NOTCH4: variants seen among roughly 807,000 people sequenced by gnomAD.
NOTCH4 encodes the protein notch receptor 4.
A neutral mutation model predicts 189.0 loss-of-function variants in NOTCH4; 138 were observed. The ratio of observed to expected loss-of-function variants is 0.73; its 90% confidence interval spans 0.64 to 0.84. NOTCH4 has a LOEUF of 0.84. Ranked by LOEUF, NOTCH4 falls within the 40% of genes least tolerant of loss-of-function variation. NOTCH4 has a pLI of 0.00. For synonymous variants in NOTCH4, 942 were observed against 1,032.8 expected, an observed-to-expected ratio of 0.91 and a Z score of 1.69; for missense variants, 2,286 against 2,605.4, an observed-to-expected ratio of 0.88 and a Z score of 2.67.
In NOTCH4 at chr6:32,217,432, C is replaced by T. The variant is rs1789485908; in HGVS notation, c.1625-166G>A. On this transcript the variant is annotated intron_variant, in intron 9 of 29. Transcript: ENST00000375023. This position sits in a 1 kb window ranked among gnomAD's most constrained non-coding sequence, Gnocchi z 4.2. ...GAGATGATGCAGAAAAGGTGAAGCT[C>T]AGCCACCTGCCAGCTGTGTGACTTT... Among the ~76,000 whole-genome samples, 1 of 152,162 alleles carries T rather than the reference C, an allele frequency of 6.6e-6. No homozygotes were observed. The highest frequency in any genetic ancestry group is 6.5e-5 in the Admixed American group (1 of 15,278).
chr6:32,207,255 C>G (rs1392714057), intron 18 of NOTCH4, among the ~76,000 whole-genome samples: 1 of 151,230 alleles, frequency 6.6e-6, no homozygotes, highest in Non-Finnish European at 1.5e-5. Context: ...ACAAAGGCAC[C>G]AAGTACACAC....
rs2127486998 is a variant in NOTCH4 at position 32,220,403 on chromosome 6, A to T, written c.1159+2T>A. On this transcript the variant is annotated splice_donor_variant, in intron 6 of 29. Transcript: ENST00000375023. LOFTEE classifies it high-confidence loss of function. Reference sequence around the variant, plus strand: ...ACCTCCTGATACCCTCTACCCCCATACCTGTGCGTCCAGGTGGGCAGAGGC... The same window carrying T: ...ACCTCCTGATACCCTCTACCCCCATTCCTGTGCGTCCAGGTGGGCAGAGGC... 6.2e-7 allele frequency: 1 copy of T among 1,613,494 alleles called. No individual in the cohort carries two copies. Among genetic ancestry groups the T allele is most frequent in the Admixed American group, 1.7e-5 (1 of 59,982 alleles).
Position 32,204,226 on chromosome 6 carries a change from C to T in NOTCH4, c.3029G>A (p.Cys1010Tyr), listed in dbSNP as rs1469957497. Residue 1010 changes from cysteine to tyrosine, a missense_variant, in exon 19 of 30, where the codon TGT becomes TAT. By Grantham distance (194) the Cys-to-Tyr change is radical. Coordinates refer to ENST00000375023, the MANE Select transcript of NOTCH4 (RefSeq NM_004557.4). ...GLRCEGDVDE[C>Y]LDQPCHPTGT... ...TGTGGGGTGGCAGGGCTGGTCCAGA[C>T]ACTCGTCCACGTCTCCCTCACAGCG... 6.2e-7 allele frequency: 1 copy of T among 1,613,046 alleles called. No homozygotes were observed. Among genetic ancestry groups the T allele is most frequent in the South Asian group, 1.1e-5 (1 of 91,082 alleles).
At position 32,216,420 on chromosome 6, in the gene NOTCH4, G is replaced by A. The variant is rs1000844181; in HGVS notation, c.1861+525C>T. On this transcript the variant is annotated intron_variant, in intron 11 of 29. Coordinates refer to ENST00000375023, the MANE Select transcript of NOTCH4 (RefSeq NM_004557.4). The stretch of plus-strand genomic sequence containing the variant: ...TGGGACTATAGGCGTGAGCCACCAC[G>A]CCCAGCCTCTGCTTATCTTTCAAGA... The A allele has an allele frequency of 5.2e-5, 9 of 172,452 alleles. 1 individual carries two copies. The South Asian group carries it at 9.9e-4, about 19-fold the overall frequency. The allele number at this position is 172,452 out of a possible 1,614,324, so 10.7% of individuals were successfully genotyped here.
Position 32,204,117 on chromosome 6 carries a change from C to T in NOTCH4, c.3118+20G>A. The T allele has an allele frequency of 1.9e-6, 3 of 1,611,092 alleles. No homozygotes were observed. The highest frequency in any genetic ancestry group is 2.5e-6 in the Non-Finnish European group (3 of 1,179,318). On this transcript the variant is annotated intron_variant, in intron 19 of 29. Transcript: ENST00000375023. ...GGCTGTGCTCCAGACACACTTGTGC[C>T]CCTTGTCTTGGGGCCTCACCTGTGT...
chr6:32,201,526 A>G lies in NOTCH4; in HGVS notation c.3756-26T>C. ...CTGTGGGGTAAGGAGAGGGGGACTCAGGACCTCCCTAAAACCTGACTCTTT... is the reference window on the plus strand; with the variant it reads ...CTGTGGGGTAAGGAGAGGGGGACTCGGGACCTCCCTAAAACCTGACTCTTT... On this transcript the variant is annotated intron_variant, in intron 21 of 29. Coordinates refer to ENST00000375023, the MANE Select transcript of NOTCH4 (RefSeq NM_004557.4). The surrounding 1 kb of genome is among the most constrained non-coding windows in gnomAD (Gnocchi z 5.5). 6.9e-7 allele frequency: 1 copy of G among 1,450,268 alleles called. No homozygotes were observed. The highest frequency in any genetic ancestry group is 9.1e-7 in the Non-Finnish European group (1 of 1,101,272). The allele number at this position is 1,450,268 out of a possible 1,614,324, so 89.8% of individuals were successfully genotyped here. A position where few individuals can be genotyped will look rare whatever the true frequency, so the allele number is the denominator to read the frequency against.
At position 32,222,636 on chromosome 6, in the gene NOTCH4, A is replaced by AAGCCAGGG. The variant is rs1789855269; in HGVS notation, c.318_325dup (p.Phe109SerfsTer146). ...CTTGGCCTGGCATCTCTCACCAGTG[A>AAGCCAGGG]AGCCAGGGAGGCAAGTGCACAAGAA... On this transcript the variant is annotated frameshift_variant, in exon 3 of 30. Coordinates refer to ENST00000375023, the MANE Select transcript of NOTCH4 (RefSeq NM_004557.4). LOFTEE classifies it high-confidence loss of function. 6.2e-7 allele frequency: 1 copy of AAGCCAGGG among 1,606,658 alleles called. No individual in the cohort carries two copies. Among genetic ancestry groups the AAGCCAGGG allele is most frequent in the African/African-American group, 1.3e-5 (1 of 74,444 alleles).
Position 32,195,946 on chromosome 6 carries a change from G to T in NOTCH4, c.5503C>A (p.Arg1835Ser). Residue 1835 changes from arginine (R) to serine (S), a missense_variant, in exon 30 of 30, where the codon CGC becomes AGC. Arg to Ser is a moderately radical substitution (Grantham distance 110). Around this residue, in one of 2 missense-constraint regions of NOTCH4, gnomAD observed 383 missense variants for 343.5 expected, o/e 1.11. Coordinates refer to ENST00000375023, the MANE Select transcript of NOTCH4 (RefSeq NM_004557.4). This position sits in a 1 kb window ranked among gnomAD's most constrained non-coding sequence, Gnocchi z 5.4. Reference sequence around the variant, plus strand: ...GCGCGCGGGAAGGGCCCAGCCTCGCGGCCCGGCGTGGCTTTGTGACGGGCC... The same window carrying T: ...GCGCGCGGGAAGGGCCCAGCCTCGCTGCCCGGCGTGGCTTTGTGACGGGCC... ...PEARHKATPG[R>S]EAGPFPRART... The T allele has an allele frequency of 6.3e-7, 1 of 1,591,996 alleles. No homozygotes were observed. Among genetic ancestry groups the T allele is most frequent in the Non-Finnish European group, 8.5e-7 (1 of 1,176,264 alleles).
intron 18 of NOTCH4, among the ~76,000 whole-genome samples, chr6:32,206,759 C>T (rs1374138927): frequency 6.6e-6 from 1 of 151,964 alleles, no homozygotes; most frequent in Non-Finnish European, 1.5e-5. Context: ...GCAAAAAGAA[C>T]AAAGCTAGAG....
intron 6 of NOTCH4, 33 bp from the exon 7 acceptor site, chr6:32,220,317 G>A (rs1428737484): frequency 1.9e-6 from 3 of 1,609,366 alleles, no homozygotes; most frequent in Non-Finnish European, 2.5e-6. Context: ...GGCTCTCAAA[G>A]GCCACTTGAA....
Position 32,220,838 on chromosome 6 carries a change from A to G in NOTCH4, c.840T>C (p.Cys280=), listed in dbSNP as rs764286173. Residue 280 remains cysteine, a synonymous_variant, in exon 5 of 30, where the codon TGT becomes TGC. Coordinates refer to ENST00000375023, the MANE Select transcript of NOTCH4 (RefSeq NM_004557.4). ...GPDCEVNPDN[C]VSHQCQNGGT... is the part of the protein sequence containing the mutation. Reference sequence around the variant, plus strand: ...CCCCATTCTGACACTGGTGGCTGACACAGTTGTCTGGATTCACCTCACAGT... The same window carrying G: ...CCCCATTCTGACACTGGTGGCTGACGCAGTTGTCTGGATTCACCTCACAGT... 1 of 1,614,070 alleles carries G rather than the reference A, an allele frequency of 6.2e-7. No homozygotes were observed.
chr6:32,203,413 C>A, intron 20 of NOTCH4: 1 of 247,524 alleles, frequency 4.0e-6, no homozygotes, highest in Non-Finnish European at 7.6e-6. Flanking sequence ...TATCAGGAAC[C>A]AAAGCTTAAG....
chr6:32,206,311 A>G (rs1435834345), intron 18 of NOTCH4, among the ~76,000 whole-genome samples: 1 of 152,116 alleles, frequency 6.6e-6, no homozygotes, highest in Non-Finnish European at 1.5e-5. Context: ...TATATTTAGA[A>G]AAACCTAAAG....
rs141267746 is a variant in NOTCH4, at chr6:32,203,795, A to G, written c.3206T>C (p.Leu1069Pro). ...CTTGGGGCAGTGGCAGATGAAACCC[A>G]GGGGTGATCCTGCTGTGGCCTCACA... is the stretch of plus-strand genomic sequence containing the variant. ...GTCEATAGSP[L>P]GFICHCPKGF... The change falls in exon 20 of 30, where the codon CTG (leucine) becomes CCG (proline). Residue 1069 changes from leucine to proline, a missense_variant. Physicochemically the swap from Leu to Pro is moderately conservative, Grantham distance 98. Around this residue, in one of 2 missense-constraint regions of NOTCH4, gnomAD observed 1,903 missense variants for 2,261.9 expected, o/e 0.84. Coordinates refer to ENST00000375023, the MANE Select transcript of NOTCH4 (RefSeq NM_004557.4). 29 of 1,558,200 alleles carry G rather than the reference A, an allele frequency of 1.9e-5. No individual in the cohort carries two copies. In the African/African-American group the frequency reaches 3.9e-4, roughly 21 times the overall value.
Position 32,217,041 on chromosome 6 carries a change from C to A in NOTCH4, c.1765G>T (p.Glu589Ter). The change falls in exon 11 of 30, where the codon GAG becomes TAG. Residue 589 changes from glutamate to a stop codon, truncating the protein, a stop_gained. Coordinates refer to ENST00000375023, the MANE Select transcript of NOTCH4 (RefSeq NM_004557.4). LOFTEE classifies it high-confidence loss of function. The surrounding 1 kb of genome is among the most constrained non-coding windows in gnomAD (Gnocchi z 4.2). ...PGFEGPRCQT[E>*]VDECLSDPCP... ...GGGTCACTCAGGCACTCATCCACCT[C>A]TGTTTGACAGCGTGGCCCTTCAAAG... The A allele has an allele frequency of 6.2e-7, 1 of 1,613,098 alleles. No individual in the cohort carries two copies.
rs557265145 is a variant in NOTCH4 at position 32,213,067 on chromosome 6, G to T, written c.2438+68C>A. 55 of 1,289,234 alleles carry T rather than the reference G, an allele frequency of 4.3e-5. No individual in the cohort carries two copies. In the Admixed American group the frequency reaches 9.0e-4, roughly 21 times the overall value. The allele number at this position is 1,289,234 out of a possible 1,614,324, so 79.9% of individuals were successfully genotyped here. On this transcript the variant is annotated intron_variant, in intron 15 of 29. Transcript: ENST00000375023. ...TGGGAGGCAGCCTGGAACCCAGGGGGAGATGAGAGGAGGGGTGGGAAGGCT... is the reference window on the plus strand; with the variant it reads ...TGGGAGGCAGCCTGGAACCCAGGGGTAGATGAGAGGAGGGGTGGGAAGGCT...
chr6:32,197,658 T>G, intron 26 of NOTCH4, 64 bp from the exon 27 acceptor site: 1 of 1,431,830 alleles, frequency 7.0e-7, no homozygotes, highest in East Asian at 2.5e-5. Context: ...GGACAACATG[T>G]AAGCTCAGAG....
chr6:32,220,100 G>T, intron 7 of NOTCH4, 29 bp downstream of exon 7: 2 of 1,609,506 alleles, frequency 1.2e-6, no homozygotes, highest in Non-Finnish European at 1.7e-6. Context: ...CTGAGGCTCA[G>T]AGAGGCTCTG....
At chr6:32,197,977 A>T (rs1165005652) in intron 26 of NOTCH4, among the ~76,000 whole-genome samples, 2 of 151,642 alleles carry the variant, frequency 1.3e-5, no homozygotes, top group East Asian at 3.9e-4. Context: ...TCCCGCCACC[A>T]CGCCCGGCTA....
Sources: gnomAD v4.1 joint callset for allele counts (sites outside exome capture counted in the v4.1 genomes callset) on GRCh38, gnomAD v4.1.1 for gene constraint, gnomAD v4.1.1 regional missense constraint, Gnocchi (gnomAD v3.1) non-coding constraint, MANE v1.5 for transcripts, NCBI Gene and HGNC (gene_info 2026-07-23, HGNC 2026-07-21) for gene names.